Variants in THSD7B observed in about 807,000 individuals in gnomAD.
The protein encoded by THSD7B is thrombospondin type 1 domain containing 7B.
In THSD7B, 138 loss-of-function variants were observed where a neutral mutation model predicts 213.6. The ratio of observed to expected loss-of-function variants is 0.65; its 90% CI spans 0.56 to 0.74. THSD7B has a LOEUF of 0.74. THSD7B is among the 30% of genes least tolerant of loss of function. The pLI, the probability that THSD7B is intolerant of heterozygous loss-of-function variation, is 0.00. For synonymous variants in THSD7B, 742 were observed against 687.0 expected, an observed-to-expected ratio of 1.08 and a Z score of -1.25; for missense variants, 1,931 against 1,991.5, an observed-to-expected ratio of 0.97 and a Z score of 0.58.
intron 7 of THSD7B, among the ~76,000 whole-genome samples, chr2:137,195,909 C>T (rs1313257069): frequency 6.6e-6 from 1 of 151,608 alleles, no homozygotes; most frequent in African/African-American, 2.4e-5. Flanking sequence ...AAAATGATAA[C>T]TTTACAGAGG....
intron 17 of THSD7B, among the ~76,000 whole-genome samples, chr2:137,606,777 A>G (rs1204855127): frequency 6.6e-6 from 1 of 152,148 alleles, no homozygotes; most frequent in African/African-American, 2.4e-5. Context: ...AGAAGTAAGC[A>G]TTTCATGGGA....
intron 2 of THSD7B, among the ~76,000 whole-genome samples, chr2:137,007,656 GA>G (rs1366783745): frequency 2.0e-5 from 3 of 152,094 alleles, no homozygotes; most frequent in Non-Finnish European, 4.4e-5. Flanking sequence ...AACACAATGA[GA>G]TAAGAATTGC....
intron 2 of THSD7B, among the ~76,000 whole-genome samples, chr2:137,024,716 T>G (rs1686513044): frequency 6.6e-6 from 1 of 152,122 alleles, no homozygotes; most frequent in Non-Finnish European, 1.5e-5. Context: ...CTCTTCCTGT[T>G]CTTCCCACAC....
intron 7 of THSD7B, among the ~76,000 whole-genome samples, chr2:137,172,058 C>A (rs1680264137): frequency 6.6e-6 from 1 of 152,162 alleles, no homozygotes. Context: ...TAACAGATCA[C>A]TTTCGTATTG....
intron 14 of THSD7B, among the ~76,000 whole-genome samples, chr2:137,415,956 G>A (rs1686788963): frequency 1.3e-5 from 2 of 151,872 alleles, no homozygotes; most frequent in South Asian, 2.1e-4. Flanking sequence ...CCCTGCAGTC[G>A]ATTATAAAGT....
intron 13 of THSD7B, among the ~76,000 whole-genome samples, chr2:137,408,874 G>A (rs1686586880): frequency 6.6e-6 from 1 of 152,152 alleles, no homozygotes; most frequent in Non-Finnish European, 1.5e-5. Context: ...GTTTTGATCT[G>A]AAGGAGAAGT....
chr2:137,161,980 G>T (rs1277680438), intron 6 of THSD7B, among the ~76,000 whole-genome samples: 1 of 152,184 alleles, frequency 6.6e-6, no homozygotes, highest in African/African-American at 2.4e-5. Context: ...TGCATGAAGT[G>T]CTGCCTTCAT....
chr2:137,661,571 A>G (rs946616403), intron 25 of THSD7B, among the ~76,000 whole-genome samples: 3 of 152,026 alleles, frequency 2.0e-5, no homozygotes, highest in African/African-American at 4.8e-5. Flanking sequence ...CTCCGAGGAA[A>G]TAATTCATCT....
chr2:137,636,882 C>T (rs1025144835), intron 20 of THSD7B, among the ~76,000 whole-genome samples: 9 of 152,260 alleles, frequency 5.9e-5, no homozygotes, highest in African/African-American at 2.2e-4. Context: ...GATATGAGGT[C>T]TTGCTATGCT....
At chr2:137,614,110 A>G (rs1182901350) in intron 17 of THSD7B, among the ~76,000 whole-genome samples, 1 of 152,112 alleles carries the variant, frequency 6.6e-6, no homozygotes, top group East Asian at 1.9e-4. Context: ...TAGGGGAGTA[A>G]GGTGCAGTGT....
At chr2:136,845,217 A>G (rs1475925663) in intron 1 of THSD7B, among the ~76,000 whole-genome samples, 1 of 152,130 alleles carries the variant, frequency 6.6e-6, no homozygotes, top group East Asian at 1.9e-4. Context: ...CCTATGGAGG[A>G]GGTGAAAGGA....
intron 12 of THSD7B, among the ~76,000 whole-genome samples, chr2:137,321,004 A>G (rs369325499): frequency 7.5e-4 from 114 of 152,336 alleles, no homozygotes; most frequent in Middle Eastern, 3.4e-3. Flanking sequence ...ACTTGATTTC[A>G]TTAAGCCACA....
rs565259576 is a variant in THSD7B, at chr2:137,535,119, G to A, written c.3139-28102G>A. Among the ~76,000 whole-genome samples the A allele has an allele frequency of 5.3e-5, 8 of 151,840 alleles. No individual in the cohort carries two copies. The South Asian group carries it at 1.7e-3, about 31-fold the overall frequency. On this transcript the variant is annotated intron_variant, in intron 15 of 27. Transcript: ENST00000409968. Reference sequence around the variant, plus strand: ...TAATACTGTGGAAATGTTTTAATATGTAAAACTTGATAACCTGTTCATTTT... The same window carrying A: ...TAATACTGTGGAAATGTTTTAATATATAAAACTTGATAACCTGTTCATTTT...
At chr2:137,060,386 T>G (rs922128442) in intron 3 of THSD7B, among the ~76,000 whole-genome samples, 3 of 150,196 alleles carry the variant, frequency 2.0e-5, no homozygotes, top group African/African-American at 7.4e-5. Context: ...CTTCTCAATA[T>G]TTTTTCAAGG....
At chr2:137,651,509 A>G (rs1475677622) in intron 21 of THSD7B, among the ~76,000 whole-genome samples, 1 of 151,982 alleles carries the variant, frequency 6.6e-6, no homozygotes. Context: ...TTTTTTAAAA[A>G]AAACAAAGAT....
chr2:137,266,780 T>C (rs1220924636), intron 10 of THSD7B, among the ~76,000 whole-genome samples: 1 of 152,180 alleles, frequency 6.6e-6, no homozygotes, highest in Non-Finnish European at 1.5e-5. Flanking sequence ...CACGTTCATC[T>C]CCAACCCTGC....
At chr2:137,302,789 G>C (rs1471761889) in intron 12 of THSD7B, among the ~76,000 whole-genome samples, 1 of 152,134 alleles carries the variant, frequency 6.6e-6, no homozygotes, top group Non-Finnish European at 1.5e-5. Context: ...AGCGAGAATG[G>C]ATGGATTTTA....
chr2:136,912,227 C>T (rs896452814), intron 2 of THSD7B, among the ~76,000 whole-genome samples: 3 of 142,088 alleles, frequency 2.1e-5, no homozygotes, highest in Non-Finnish European at 3.0e-5. Context: ...GAGGCTGAGG[C>T]AGGGAAATTG....
chr2:137,108,787 CAT>C (rs1688298241), intron 4 of THSD7B, among the ~76,000 whole-genome samples: 1 of 152,130 alleles, frequency 6.6e-6, no homozygotes, highest in African/African-American at 2.4e-5. Context: ...ATAAACTAAA[CAT>C]AGAGAAATTG....
Sources: allele counts gnomAD v4.1 joint callset (sites outside exome capture counted in the v4.1 genomes callset), GRCh38; gene constraint gnomAD v4.1.1; transcripts MANE v1.5; gene names NCBI Gene and HGNC (gene_info 2026-07-23, HGNC 2026-07-21).